Variants in LOC400499 observed in about 807,000 individuals in gnomAD.
the LOC400499 span, chr16:11,450,620 T>C: frequency 6.5e-7 from 1 of 1,535,842 alleles, no homozygotes; most frequent in South Asian, 1.2e-5. Flanking sequence ...CGGAGGTAGG[T>C]GGTAGCTGCG....
the LOC400499 span, among the ~76,000 whole-genome samples, chr16:11,422,381 C>G: frequency 6.6e-6 from 1 of 151,724 alleles, no homozygotes; most frequent in African/African-American, 2.4e-5. Context: ...GCCTGGGCAA[C>G]TGAGCAAGAC....
chr16:11,374,577 C>G, the LOC400499 span, among the ~76,000 whole-genome samples: 7 of 152,276 alleles, frequency 4.6e-5, no homozygotes, highest in African/African-American at 1.4e-4. Flanking sequence ...TGGACTCATA[C>G]AGTACTTGTG....
At chr16:11,431,786 C>A in the LOC400499 span, among the ~76,000 whole-genome samples, 3 of 152,176 alleles carry the variant, frequency 2.0e-5, no homozygotes, top group East Asian at 3.8e-4. Context: ...CCAGCTCTTC[C>A]CATACTCTCC....
the LOC400499 span, among the ~76,000 whole-genome samples, chr16:11,380,473 G>T: frequency 2.6e-5 from 4 of 151,888 alleles, no homozygotes; most frequent in Non-Finnish European, 5.9e-5. Flanking sequence ...CCAGCTACTC[G>T]GGAGGCTGCA....
chr16:11,395,153 T>C, the LOC400499 span, among the ~76,000 whole-genome samples: 3 of 152,124 alleles, frequency 2.0e-5, no homozygotes, highest in African/African-American at 7.2e-5. Flanking sequence ...GCATCTGAGC[T>C]CAGCCCCGCT....
the LOC400499 span, among the ~76,000 whole-genome samples, chr16:11,438,607 C>CAAAAAA: frequency 1.7e-5 from 1 of 59,838 alleles, no homozygotes; most frequent in Non-Finnish European, 3.0e-5. Flanking sequence ...CCTGTCTCTG[C>CAAAAAA]AAAAAAAAAA....
the LOC400499 span, among the ~76,000 whole-genome samples, chr16:11,494,212 T>C: frequency 7.1e-6 from 1 of 141,434 alleles, no homozygotes; most frequent in Non-Finnish European, 1.5e-5. Context: ...TGAAGGGCAT[T>C]TACCCACCTT....
At chr16:11,482,797 C>T in the LOC400499 span, among the ~76,000 whole-genome samples, 64 of 151,586 alleles carry the variant, frequency 4.2e-4, no homozygotes, top group African/African-American at 1.4e-3. Flanking sequence ...GTGGCTGAGG[C>T]TGGAAGATCA....
chr16:11,516,673 T>C, the LOC400499 span, among the ~76,000 whole-genome samples: 2 of 152,238 alleles, frequency 1.3e-5, no homozygotes, highest in African/African-American at 2.4e-5. Flanking sequence ...CTTGGGAATA[T>C]TGCCTTTTTT....
chr16:11,398,501 C>T, the LOC400499 span: 1 of 1,232,222 alleles, frequency 8.1e-7, no homozygotes, highest in Non-Finnish European at 1.0e-6. Flanking sequence ...GCTGAGATGG[C>T]CAATGCCTCT....
the LOC400499 span, chr16:11,401,555 C>G: frequency 2.5e-6 from 1 of 397,926 alleles, no homozygotes; most frequent in East Asian, 3.6e-5. Flanking sequence ...GCAAGGCCCT[C>G]GGAGAGCTCA....
chr16:11,460,026 C>T, the LOC400499 span: 4 of 1,476,440 alleles, frequency 2.7e-6, no homozygotes, highest in East Asian at 1.0e-4. Context: ...GTGCAGGTGG[C>T]CCGAGTCCTC....
chr16:11,374,409 A>G, the LOC400499 span, among the ~76,000 whole-genome samples: 1 of 152,206 alleles, frequency 6.6e-6, no homozygotes. Flanking sequence ...AAGTACATGC[A>G]CACTTTTGTG....
chr16:11,405,216 C>T, the LOC400499 span, among the ~76,000 whole-genome samples: 1 of 152,270 alleles, frequency 6.6e-6, no homozygotes, highest in South Asian at 2.1e-4. Flanking sequence ...CAAGATGATA[C>T]AAGTGGTGCA....
chr16:11,475,702 G>C, the LOC400499 span: 1 of 398,918 alleles, frequency 2.5e-6, no homozygotes, highest in Non-Finnish European at 4.4e-6. Flanking sequence ...CTGGTGATGA[G>C]GTACAGCTGA....
the LOC400499 span, among the ~76,000 whole-genome samples, chr16:11,454,850 G>A: frequency 6.6e-6 from 1 of 152,138 alleles, no homozygotes; most frequent in Non-Finnish European, 1.5e-5. Context: ...TAAGAAAAAG[G>A]GATTGTGACC....
the LOC400499 span, chr16:11,425,105 G>C: frequency 1.0e-5 from 4 of 398,878 alleles, no homozygotes; most frequent in Non-Finnish European, 1.8e-5. Context: ...AAGCTGTTCT[G>C]CCTGGACCAC....
chr16:11,466,750 C>A, the LOC400499 span, among the ~76,000 whole-genome samples: 1 of 152,058 alleles, frequency 6.6e-6, no homozygotes, highest in Non-Finnish European at 1.5e-5. Flanking sequence ...CAGTTCTATA[C>A]CCTTTCATAG....
the LOC400499 span, among the ~76,000 whole-genome samples, chr16:11,520,631 C>G: frequency 2.9e-5 from 4 of 136,068 alleles, no homozygotes; most frequent in African/African-American, 1.1e-4. Context: ...TGTGCTATTG[C>G]ACGCCAGCCT....
Sources: gnomAD v4.1 joint callset for allele counts (sites outside exome capture counted in the v4.1 genomes callset) on GRCh38, gnomAD v4.1.1 for gene constraint, MANE v1.5 for transcripts.